The following HERC5 variants were observed in gnomAD, a reference collection of about 807,000 sequenced individuals.
The protein encoded by HERC5 is E3 ISG15--protein ligase HERC5.
Under a neutral mutation model 119.6 loss-of-function variants are expected in HERC5, and 99 were observed. The ratio of observed to expected loss-of-function variants is 0.83; its 90% confidence interval spans 0.70 to 0.98. HERC5 has a LOEUF of 0.98. HERC5 is among the 50% of genes least tolerant of loss of function. The probability of loss-of-function intolerance (pLI) is 0.00; values close to 1 mark genes in which losing one functional copy is unlikely to be tolerated. For synonymous variants in HERC5, 478 were observed against 445.9 expected, an observed-to-expected ratio of 1.07 and a Z score of -0.91; for missense variants, 1,267 against 1,241.3, an observed-to-expected ratio of 1.02 and a Z score of -0.31.
chr4:88,474,893 A>G (rs765415066), intron 11 of HERC5, among the ~76,000 whole-genome samples: 3 of 152,232 alleles, frequency 2.0e-5, no homozygotes, highest in Non-Finnish European at 4.4e-5. Flanking sequence ...ATACTAGCTT[A>G]TCTTCATAGT....
chr4:88,485,516 A>G (rs189046137), intron 13 of HERC5, among the ~76,000 whole-genome samples: 11 of 152,220 alleles, frequency 7.2e-5, no homozygotes, highest in South Asian at 4.1e-4. Flanking sequence ...TATAGCCAAG[A>G]TGAGTTTTTA....
chr4:88,463,975 G>A lies in HERC5; in HGVS notation c.901G>A (p.Ala301Thr), dbSNP rs17014143. The A allele has an allele frequency of 3.6e-3, 5,822 of 1,612,664 alleles. 189 individuals are homozygous for A. The African/African-American group carries it at 0.07, about 19-fold the overall frequency. ...ELVGYRVTQI[A>T]CGRWHTLAYV... ...TGTTGGGTATAGAGTGACTCAGATA[G>A]CATGTGGAAGGTAAGTTGTAAAGTA... The change falls in exon 6 of 23, where the codon GCA becomes ACA. Residue 301 changes from alanine (A) to threonine (T), a missense_variant. Ala to Thr is a moderately conservative substitution (Grantham distance 58). Around this residue, in one of 3 missense-constraint regions of HERC5, gnomAD observed 777 missense variants for 758.0 expected, o/e 1.03. Transcript: ENST00000264350.
chr4:88,468,968 C>A lies in HERC5; in HGVS notation c.1135-189C>A, dbSNP rs534294806. On this transcript the variant is annotated intron_variant, in intron 8 of 22. Transcript: ENST00000264350. ...GAAATTTACTTTCAGTCTAAGCCCC[C>A]TTGGACAAGAAAGTGGCAACCAGGC... Among the ~76,000 whole-genome samples, 109 of 152,266 alleles carry A rather than the reference C, an allele frequency of 7.2e-4. 1 individual carries two copies. Among genetic ancestry groups the A allele is most frequent in the African/African-American group, 2.6e-3 (107 of 41,544 alleles).
intron 7 of HERC5, among the ~76,000 whole-genome samples, chr4:88,467,654 T>C (rs1392994473): frequency 6.6e-6 from 1 of 152,240 alleles, no homozygotes; most frequent in Non-Finnish European, 1.5e-5. Context: ...CCAATCCTTG[T>C]AACAGTTCCT....
chr4:88,482,669 CT>C (rs1410938254), intron 13 of HERC5, among the ~76,000 whole-genome samples: 3 of 152,226 alleles, frequency 2.0e-5, no homozygotes, highest in African/African-American at 7.2e-5. Context: ...ACAGGTCCCC[CT>C]GGCCCTGCAG....
chr4:88,495,234 A>T (rs1426886277), intron 18 of HERC5, among the ~76,000 whole-genome samples: 2 of 152,188 alleles, frequency 1.3e-5, no homozygotes, highest in Non-Finnish European at 2.9e-5. Context: ...ATGGAATACT[A>T]CAGAGATTTT....
chr4:88,491,948 C>T (rs1741652136), intron 16 of HERC5, among the ~76,000 whole-genome samples: 1 of 152,000 alleles, frequency 6.6e-6, no homozygotes, highest in Non-Finnish European at 1.5e-5. Context: ...AGCAAACAGC[C>T]ACTTCAGCAA....
chr4:88,462,259 T>C lies in HERC5; in HGVS notation c.591T>C (p.Ser197=), dbSNP rs1740469779. 1 of 1,614,082 alleles carries C rather than the reference T, an allele frequency of 6.2e-7. No individual in the cohort carries two copies. The highest frequency in any genetic ancestry group is 1.7e-5 in the Admixed American group (1 of 60,006). The change falls in exon 4 of 23, where the codon TCT becomes TCC. Residue 197 remains serine, a synonymous_variant. Transcript: ENST00000264350. ...CAGGAGTACCCTTGGCTCAGATTTC[T>C]GCCGGAGAAGCCCACAGCATGGCCT... ...HLAGVPLAQI[S]AGEAHSMALS... is the part of the protein sequence containing the mutation.
intron 17 of HERC5, 68 bp downstream of exon 17, chr4:88,493,223 T>G: frequency 3.6e-6 from 5 of 1,400,390 alleles, no homozygotes; most frequent in South Asian, 1.3e-5. Context: ...CATAGAAAAT[T>G]AGTTTGTCTA....
intron 13 of HERC5, among the ~76,000 whole-genome samples, chr4:88,480,883 C>A (rs957773867): frequency 5.9e-5 from 9 of 152,108 alleles, no homozygotes; most frequent in African/African-American, 2.2e-4. Flanking sequence ...TTATAGAATT[C>A]TTTTATTTTG....
chr4:88,457,349 A>T lies in HERC5; in HGVS notation c.80A>T (p.Lys27Met). The T allele has an allele frequency of 7.0e-7, 1 of 1,420,830 alleles. No homozygotes were observed. The allele number at this position is 1,420,830 out of a possible 1,614,324, so 88.0% of individuals were successfully genotyped here. Residue 27 changes from lysine to methionine, a missense_variant, in exon 1 of 23, where the codon AAG becomes ATG. Lys to Met is a moderately conservative substitution (Grantham distance 95). Transcript: ENST00000264350. ...AAGGCCGCCGCGACCCAGCCCGCGA[A>T]GTCTCCGGGCGCACAGCTCTGGCTC... is the stretch of plus-strand genomic sequence containing the variant. ...AGKAAATQPAKSPGAQLWLFP... is the reference protein window; with the variant it reads ...AGKAAATQPAMSPGAQLWLFP...
At chr4:88,476,145 ATTG>A (rs1182045902) in intron 12 of HERC5, 115 bp downstream of exon 12, 1 of 737,756 alleles carries the variant, frequency 1.4e-6, no homozygotes, top group Non-Finnish European at 2.2e-6. Context: ...TTTAGTTCGT[ATTG>A]TTAGCATACT....
At position 88,506,099 on chromosome 4, in the gene HERC5, C is replaced by G; in HGVS notation, c.*221C>G. 2 of 513,738 alleles carry G rather than the reference C, an allele frequency of 3.9e-6. No individual in the cohort carries two copies. The highest frequency in any genetic ancestry group is 6.8e-6 in the Non-Finnish European group (2 of 292,716). 31.8% of individuals were successfully genotyped at this position (513,738 alleles called of 1,614,324 possible). A position where few individuals can be genotyped will look rare whatever the true frequency, so the allele number is the denominator to read the frequency against. On this transcript the variant is annotated 3_prime_UTR_variant, in exon 23 of 23. Transcript: ENST00000264350. Reference sequence around the variant, plus strand: ...ATTCTCTCCCTTGGATACCCCTATGCCTACATCATATTCCTTACCTCTTTT... The same window carrying G: ...ATTCTCTCCCTTGGATACCCCTATGGCTACATCATATTCCTTACCTCTTTT...
At chr4:88,478,478 A>G (rs1000115332) in intron 12 of HERC5, among the ~76,000 whole-genome samples, 2 of 152,110 alleles carry the variant, frequency 1.3e-5, no homozygotes, top group African/African-American at 4.8e-5. Context: ...AAAGGACACA[A>G]AGAAGCAGAT....
In HERC5 at chr4:88,457,474, G is replaced by A; in HGVS notation, c.205G>A (p.Gly69Ser). The change falls in exon 1 of 23, where the codon GGC (glycine) becomes AGC (serine). Residue 69 changes from glycine to serine, a missense_variant. This residue lies in a region of HERC5 where 777 missense variants were observed against 758.0 expected (regional missense o/e 1.03). Transcript: ENST00000264350. ...SPGRLAVLER[G>S]GAGVQVHQLL... ...GGGGCGCCTCGCGGTCTTGGAACGCGGCGGGGCGGGCGTCCAGGTTCACCA... is the reference window on the plus strand; with the variant it reads ...GGGGCGCCTCGCGGTCTTGGAACGCAGCGGGGCGGGCGTCCAGGTTCACCA... 7.6e-7 allele frequency: 1 copy of A among 1,323,576 alleles called. No individual in the cohort carries two copies. The highest frequency in any genetic ancestry group is 2.1e-5 in the South Asian group (1 of 46,544). 82.0% of individuals were successfully genotyped at this position (1,323,576 alleles called of 1,614,324 possible).
Position 88,499,982 on chromosome 4 carries a change from T to C in HERC5, c.2501T>C (p.Ile834Thr). ...GATAACTTTGAGGAAGTATTTTACA[T>C]CCATTTTAATGTGAGTAACAATAAA... is the stretch of plus-strand genomic sequence containing the variant. The part of the protein sequence containing the change: ...EGDNFEEVFY[I>T]HFNVHWDRND... The change falls in exon 19 of 23, where the codon ATC (isoleucine) becomes ACC (threonine). Residue 834 changes from isoleucine (I) to threonine (T), a missense_variant. Ile to Thr is a moderately conservative substitution (Grantham distance 89). Transcript: ENST00000264350. 6.3e-7 allele frequency: 1 copy of C among 1,594,948 alleles called. No homozygotes were observed. The highest frequency in any genetic ancestry group is 2.2e-5 in the East Asian group (1 of 44,766).
Position 88,472,445 on chromosome 4 carries a change from A to C in HERC5, c.1335A>C (p.Leu445Phe). 1 of 1,601,444 alleles carries C rather than the reference A, an allele frequency of 6.2e-7. No homozygotes were observed. The highest frequency in any genetic ancestry group is 8.5e-7 in the Non-Finnish European group (1 of 1,170,650). The change falls in exon 11 of 23, where the codon TTA becomes TTC. Residue 445 changes from leucine (L) to phenylalanine (F), a missense_variant. Physicochemically the swap from Leu to Phe is conservative, Grantham distance 22 (BLOSUM62 0). Transcript: ENST00000264350. ...TTEMMPVYLD[L>F]NKARNIFKEL... Reference sequence around the variant, plus strand: ...AAATGATGCCTGTTTATTTGGACTTAAATAAAGCAAGAAACATCTTCAAGG... The same window carrying C: ...AAATGATGCCTGTTTATTTGGACTTCAATAAAGCAAGAAACATCTTCAAGG...
chr4:88,475,767 G>A (rs1741044293), intron 11 of HERC5, 74 bp from the exon 12 acceptor site: 1 of 1,236,706 alleles, frequency 8.1e-7, no homozygotes, highest in Non-Finnish European at 1.2e-6. Flanking sequence ...TCTACACCTT[G>A]TTTTATTACC....
intron 12 of HERC5, among the ~76,000 whole-genome samples, chr4:88,479,049 G>T (rs1741177940): frequency 6.6e-6 from 1 of 152,132 alleles, no homozygotes; most frequent in South Asian, 2.1e-4. Flanking sequence ...ACTTTGGGAG[G>T]CAAAGGTGGG....
Sources: allele counts gnomAD v4.1 joint callset (sites outside exome capture counted in the v4.1 genomes callset), GRCh38; gene constraint gnomAD v4.1.1; regional missense constraint gnomAD v4.1.1; transcripts MANE v1.5; gene names NCBI Gene and HGNC (gene_info 2026-07-23, HGNC 2026-07-21).